The following USP25 variants were observed in gnomAD, a reference collection of about 807,000 sequenced individuals.
USP25 encodes the protein ubiquitin carboxyl-terminal hydrolase 25.
In USP25, 85 loss-of-function variants were observed where a neutral mutation model predicts 158.5. That is an observed-to-expected ratio of 0.54 (90% CI 0.45 to 0.64). The LOEUF is 0.64. Among genes scored for constraint, USP25 ranks in the 30% least tolerant of loss-of-function variants. The pLI, the probability that USP25 is intolerant of heterozygous loss-of-function variation, is 0.00. For missense variants in USP25, 1,242 were observed against 1,327.3 expected, an observed-to-expected ratio of 0.94 and a Z score of 1.00; for synonymous variants, 464 against 460.4, an observed-to-expected ratio of 1.01 and a Z score of -0.10.
rs1250992017 is a variant in USP25, at chr21:15,857,162, A to G, written c.2548-7106A>G. 2.0e-5 allele frequency among the ~76,000 whole-genome samples: 3 copies of G among 152,216 alleles called. No individual in the cohort carries two copies. In the East Asian group the frequency reaches 5.8e-4, roughly 29 times the overall value. The stretch of plus-strand genomic sequence containing the variant: ...GAACCAGTTTATTCACTTATATGAG[A>G]AGTTATCTTGAGAATTAAATGAGAT... On this transcript the variant is annotated intron_variant, in intron 20 of 25. Transcript: ENST00000400183.
At chr21:15,850,275 T>C (rs1601123670) in intron 20 of USP25, among the ~76,000 whole-genome samples, 1 of 152,196 alleles carries the variant, frequency 6.6e-6, no homozygotes, top group East Asian at 1.9e-4. Flanking sequence ...TTAATTTTAT[T>C]ATCATTAGGT....
rs571786861 is a variant in USP25 at position 15,819,451 on chromosome 21, T to A, written c.1080+605T>A. Among the ~76,000 whole-genome samples, 3 of 152,274 alleles carry A rather than the reference T, an allele frequency of 2.0e-5. No individual in the cohort carries two copies. In the South Asian group the frequency reaches 6.2e-4, roughly 32 times the overall value. On this transcript the variant is annotated intron_variant, in intron 10 of 25. Coordinates refer to ENST00000400183, the MANE Select transcript of USP25 (RefSeq NM_001283041.3). Reference sequence around the variant, plus strand: ...ATCCATGCATTCATCTGTCAGGGAGTTTTGGCACTGTAATAGTAAGCAAAG... The same window carrying A: ...ATCCATGCATTCATCTGTCAGGGAGATTTGGCACTGTAATAGTAAGCAAAG...
At chr21:15,853,875 T>C (rs1361631500) in intron 20 of USP25, among the ~76,000 whole-genome samples, 3 of 152,198 alleles carry the variant, frequency 2.0e-5, no homozygotes, top group Non-Finnish European at 4.4e-5. Flanking sequence ...CATACGAGCC[T>C]AGCGCCTTCT....
intron 1 of USP25, among the ~76,000 whole-genome samples, chr21:15,737,484 C>G (rs1425445679): frequency 6.6e-6 from 1 of 152,122 alleles, no homozygotes. Flanking sequence ...ACCTATATCC[C>G]TTATCCTATC....
intron 3 of USP25, among the ~76,000 whole-genome samples, chr21:15,777,178 AT>A (rs1368558315): frequency 6.6e-6 from 1 of 152,168 alleles, no homozygotes; most frequent in African/African-American, 2.4e-5. Context: ...CATCAAGGCT[AT>A]TTTTTATTAG....
intron 1 of USP25, among the ~76,000 whole-genome samples, chr21:15,759,465 C>T: frequency 6.6e-6 from 1 of 152,166 alleles, no homozygotes; most frequent in East Asian, 1.9e-4. Flanking sequence ...TCAGTCAATT[C>T]ATGTAAGATT....
intron 20 of USP25, among the ~76,000 whole-genome samples, chr21:15,857,627 A>G (rs943834357): frequency 3.3e-5 from 5 of 152,038 alleles, no homozygotes; most frequent in African/African-American, 9.7e-5. Context: ...ATCTTCTAAG[A>G]CAATTGATTC....
At chr21:15,762,456 T>A (rs1338071356) in intron 1 of USP25, among the ~76,000 whole-genome samples, 1 of 152,196 alleles carries the variant, frequency 6.6e-6, no homozygotes, top group Non-Finnish European at 1.5e-5. Flanking sequence ...GATCTTCTTT[T>A]TAAAGTAGAT....
intron 10 of USP25, among the ~76,000 whole-genome samples, chr21:15,819,515 T>C (rs1488433472): frequency 6.6e-6 from 1 of 152,114 alleles, no homozygotes; most frequent in Non-Finnish European, 1.5e-5. Context: ...GTTAAGAAAT[T>C]GCTGATAGTT....
chr21:15,829,512 C>T (rs6517675), intron 14 of USP25, among the ~76,000 whole-genome samples: 29,171 of 152,070 alleles, frequency 0.19, 4,426 homozygotes, highest in African/African-American at 0.43. Context: ...AGTAGTTTTT[C>T]ACAATTGAAA....
At chr21:15,761,145 G>T (rs2033698399) in intron 1 of USP25, among the ~76,000 whole-genome samples, 1 of 152,210 alleles carries the variant, frequency 6.6e-6, no homozygotes, top group Admixed American at 6.5e-5. Context: ...TTTCGGTTGT[G>T]CATTTTCGGC....
At chr21:15,874,065 A>T (rs974321440) in intron 23 of USP25, among the ~76,000 whole-genome samples, 7 of 152,340 alleles carry the variant, frequency 4.6e-5, no homozygotes, top group Middle Eastern at 3.4e-3. Flanking sequence ...GTTGGCTTTC[A>T]CATTAGCTCC....
At chr21:15,874,038 C>T (rs964099811) in intron 23 of USP25, among the ~76,000 whole-genome samples, 1 of 151,994 alleles carries the variant, frequency 6.6e-6, no homozygotes, top group Admixed American at 6.6e-5. Flanking sequence ...TGTGACATTG[C>T]GTTAAACAAT....
rs761607553 is a variant in USP25, at chr21:15,827,105, C to G, written c.1595C>G (p.Pro532Arg). Residue 532 changes from proline (P) to arginine (R), a missense_variant, in exon 14 of 26, where the codon CCC (proline) becomes CGC (arginine). Pro to Arg is a moderately radical substitution (Grantham distance 103). Transcript: ENST00000400183. ...FTQSRIPPDL[P>R]MHPAPRHITE... ...CAGTCCCGGATACCTCCAGATTTGC[C>G]CATGCATCCGGCACCAAGGCACATA... is the stretch of plus-strand genomic sequence containing the variant. 6.2e-7 allele frequency: 1 copy of G among 1,614,006 alleles called. No homozygotes were observed. The highest frequency in any genetic ancestry group is 1.3e-5 in the African/African-American group (1 of 74,900).
chr21:15,869,625 AATCT>A (rs1221963907), intron 22 of USP25, among the ~76,000 whole-genome samples: 1 of 152,318 alleles, frequency 6.6e-6, no homozygotes, highest in Admixed American at 6.5e-5. Context: ...AGGTTAAATA[AATCT>A]AACTTTTTTT....
At chr21:15,748,454 G>GTTT (rs71331787) in intron 1 of USP25, among the ~76,000 whole-genome samples, 899 of 79,008 alleles carry the variant, frequency 0.011, 50 homozygotes, top group Non-Finnish European at 0.016. Flanking sequence ...CTACTTTTTA[G>GTTT]TTTTTTTTTT....
chr21:15,730,426 C>A lies in USP25; in HGVS notation c.33C>A (p.Ser11Arg). ...TGGAGCAGAACGTGCTGCAGCAGAG[C>A]GCGGCGCAGAAGGTGAGGCGAGTCC... is the stretch of plus-strand genomic sequence containing the variant. The part of the protein sequence containing the change: MTVEQNVLQQ[S>R]AAQKHQQTFL... The change falls in exon 1 of 26, where the codon AGC becomes AGA. Residue 11 changes from serine (S) to arginine (R), a missense_variant. Coordinates refer to ENST00000400183, the MANE Select transcript of USP25 (RefSeq NM_001283041.3). The A allele has an allele frequency of 7.3e-7, 1 of 1,365,604 alleles. No homozygotes were observed. The allele number at this position is 1,365,604 out of a possible 1,614,324, so 84.6% of individuals were successfully genotyped here.
intron 21 of USP25, 39 bp downstream of exon 21, chr21:15,864,485 CTT>C (rs530039459): frequency 5.2e-4 from 612 of 1,167,424 alleles, no homozygotes; most frequent in East Asian, 2.2e-3. Flanking sequence ...TCAAATCGTT[CTT>C]TTTTTTTTTC....
At chr21:15,818,946 A>C (rs1306554315) in intron 10 of USP25, 100 bp downstream of exon 10, 12 of 1,342,356 alleles carry the variant, frequency 8.9e-6, no homozygotes, top group African/African-American at 1.5e-5. Context: ...CTAATAATTG[A>C]GAGAGAATAC....
Sources: allele counts gnomAD v4.1 joint callset (sites outside exome capture counted in the v4.1 genomes callset), GRCh38; gene constraint gnomAD v4.1.1; transcripts MANE v1.5; gene names NCBI Gene and HGNC (gene_info 2026-07-23, HGNC 2026-07-21).